Variants in FBXO10 observed in about 807,000 individuals in gnomAD.
FBXO10 encodes F-box only protein 10.
A neutral mutation model predicts 80.7 loss-of-function variants in FBXO10; 39 were observed. The ratio of observed to expected loss-of-function variants is 0.48; its 90% CI spans 0.37 to 0.63. FBXO10 has a LOEUF of 0.63. Among genes scored for constraint, FBXO10 ranks in the 30% least tolerant of loss-of-function variants. The pLI is 0.00. For synonymous variants in FBXO10, 449 were observed against 489.6 expected, an observed-to-expected ratio of 0.92 and a Z score of 1.09; for missense variants, 1,025 against 1,269.0, an observed-to-expected ratio of 0.81 and a Z score of 2.92.
rs371668468 is a variant in FBXO10, at chr9:37,534,002, T to C, written c.1420-1944A>G. On this transcript the variant is annotated intron_variant, in intron 3 of 10. Coordinates refer to ENST00000432825, the MANE Select transcript of FBXO10 (RefSeq NM_012166.3). Reference sequence around the variant, plus strand: ...GATGACTGAAGTGTGGGAGGATGTGTGCAGGTTAGGTGCAAATACTATAAC... The same window carrying C: ...GATGACTGAAGTGTGGGAGGATGTGCGCAGGTTAGGTGCAAATACTATAAC... Among the ~76,000 whole-genome samples, 32 of 152,254 alleles carry C rather than the reference T, an allele frequency of 2.1e-4. 1 individual carries two copies. Among genetic ancestry groups the C allele is most frequent in the East Asian group, 1.7e-3 (9 of 5,186 alleles).
intron 8 of FBXO10, 92 bp from the exon 9 acceptor site, chr9:37,518,530 G>T: frequency 9.1e-7 from 1 of 1,102,410 alleles, no homozygotes; most frequent in Non-Finnish European, 1.3e-6. Context: ...TGTGCACTCC[G>T]GGAGAACGGA....
chr9:37,553,067 G>C (rs1298191037), intron 1 of FBXO10, among the ~76,000 whole-genome samples: 1 of 151,300 alleles, frequency 6.6e-6, no homozygotes, highest in Non-Finnish European at 1.5e-5. Flanking sequence ...TTTTGAGATG[G>C]AGTCTCGCTC....
intron 1 of FBXO10, among the ~76,000 whole-genome samples, chr9:37,552,908 C>G (rs544152845): frequency 6.6e-6 from 1 of 151,908 alleles, no homozygotes; most frequent in African/African-American, 2.4e-5. Flanking sequence ...AAGGAAGAGC[C>G]CTTATGACCT....
At position 37,537,403 on chromosome 9, in the gene FBXO10, A is replaced by G. The variant is rs1821796237; in HGVS notation, c.1126T>C (p.Tyr376His). Residue 376 changes from tyrosine to histidine, a missense_variant, in exon 3 of 11, where the codon TAC becomes CAC. Tyr to His is a moderately conservative substitution (Grantham distance 83, BLOSUM62 2). This residue lies in a region of FBXO10 where 450 missense variants were observed against 499.4 expected (regional missense o/e 0.90). Coordinates refer to ENST00000432825, the MANE Select transcript of FBXO10 (RefSeq NM_012166.3). Reference protein sequence around the residue: ...DEDQLMYRLSYQVQGPRPVLG... With the variant: ...DEDQLMYRLSHQVQGPRPVLG... ...ACAGGGCGTGGGCCCTGCACTTGGT[A>G]GGATAGTCTGTACATCAGCTGGTCC... The G allele has an allele frequency of 6.9e-6, 11 of 1,598,372 alleles. No individual in the cohort carries two copies. Among genetic ancestry groups the G allele is most frequent in the Non-Finnish European group, 9.4e-6 (11 of 1,172,074 alleles).
At chr9:37,531,861 T>C in intron 4 of FBXO10, 48 bp downstream of exon 4, 1 of 1,601,768 alleles carries the variant, frequency 6.2e-7, no homozygotes, top group African/African-American at 1.3e-5. Flanking sequence ...TCACAAATGG[T>C]TTCTGAAAAC....
intron 10 of FBXO10, among the ~76,000 whole-genome samples, chr9:37,512,970 T>C (rs915972133): frequency 5.9e-5 from 9 of 152,216 alleles, no homozygotes; most frequent in Admixed American, 5.2e-4. Flanking sequence ...GGTCCCTCTG[T>C]AGGCCTCAAT....
At chr9:37,525,052 C>T in intron 6 of FBXO10, 50 bp downstream of exon 6, 7 of 1,509,664 alleles carry the variant, frequency 4.6e-6, no homozygotes, top group Middle Eastern at 3.5e-4. Context: ...GGGGGTGACG[C>T]CAGGGGACCT....
chr9:37,523,810 G>A (rs985904720), intron 6 of FBXO10, among the ~76,000 whole-genome samples: 22 of 152,274 alleles, frequency 1.4e-4, no homozygotes, highest in Non-Finnish European at 5.9e-5. Context: ...CCAGCTACTC[G>A]GGAGGCTGAG....
At chr9:37,543,268 T>C (rs1421071237) in intron 1 of FBXO10, among the ~76,000 whole-genome samples, 1 of 152,172 alleles carries the variant, frequency 6.6e-6, no homozygotes, top group African/African-American at 2.4e-5. Context: ...AGAGGTAAGG[T>C]TCCCAGCAGA....
intron 4 of FBXO10, among the ~76,000 whole-genome samples, chr9:37,530,559 T>G (rs1025788360): frequency 6.6e-6 from 1 of 152,242 alleles, no homozygotes; most frequent in Non-Finnish European, 1.5e-5. Flanking sequence ...ACCAGCTGCA[T>G]GGTAGAAACA....
intron 1 of FBXO10, among the ~76,000 whole-genome samples, chr9:37,553,011 GTTGTGT>G (rs1349856878): frequency 4.7e-4 from 55 of 116,600 alleles, no homozygotes; most frequent in African/African-American, 2.0e-3. Context: ...ACCAATTCAG[GTTGTGT>G]GTGTGTGTGT....
intron 1 of FBXO10, among the ~76,000 whole-genome samples, chr9:37,563,361 T>C (rs1588859369): frequency 6.6e-6 from 1 of 152,150 alleles, no homozygotes; most frequent in East Asian, 1.9e-4. Flanking sequence ...GCTGTAAAGA[T>C]ACCTGAAATG....
chr9:37,541,742 C>T lies in FBXO10; in HGVS notation c.27G>A (p.Glu9=), dbSNP rs776140820. 7.5e-6 allele frequency: 12 copies of T among 1,603,386 alleles called. No homozygotes were observed. The South Asian group carries it at 1.2e-4, about 16-fold the overall frequency. ...AGTAGGCTAAGATCATGCGCCACAG[C>T]TCCAAGGGGAGGCCACCAGCCTCCA... is the stretch of plus-strand genomic sequence containing the variant. MEAGGLPL[E]LWRMILAYLH... Residue 9 remains glutamate (E), a synonymous_variant, in exon 2 of 11, where the codon GAG becomes GAA. Coordinates refer to ENST00000432825, the MANE Select transcript of FBXO10 (RefSeq NM_012166.3).
At chr9:37,566,425 T>A (rs949468609) in intron 1 of FBXO10, among the ~76,000 whole-genome samples, 6 of 143,498 alleles carry the variant, frequency 4.2e-5, no homozygotes, top group African/African-American at 1.6e-4. Flanking sequence ...ACCACTGCAC[T>A]GCAGCTTGGA....
At chr9:37,523,276 A>G (rs1821387718) in intron 6 of FBXO10, among the ~76,000 whole-genome samples, 2 of 152,148 alleles carry the variant, frequency 1.3e-5, no homozygotes, top group African/African-American at 2.4e-5. Flanking sequence ...TTGGCCAGGC[A>G]TGGTGGCTCA....
intron 1 of FBXO10, among the ~76,000 whole-genome samples, chr9:37,565,224 T>G (rs1386818971): frequency 1.3e-5 from 2 of 152,222 alleles, no homozygotes; most frequent in Non-Finnish European, 2.9e-5. Context: ...CATGTGGAAC[T>G]GTGAGTCAAT....
chr9:37,529,062 C>T, intron 5 of FBXO10, 62 bp downstream of exon 5: 3 of 1,602,482 alleles, frequency 1.9e-6, no homozygotes, highest in Non-Finnish European at 2.6e-6. Flanking sequence ...AGAGTGTTTT[C>T]AAATGGAGGA....
intron 1 of FBXO10, among the ~76,000 whole-genome samples, chr9:37,555,792 GC>G: frequency 6.6e-6 from 1 of 152,074 alleles, no homozygotes; most frequent in East Asian, 1.9e-4. Flanking sequence ...TCTGTGGTTT[GC>G]CTTTTCATTG....
At chr9:37,573,890 G>A (rs1394999354) in intron 1 of FBXO10, among the ~76,000 whole-genome samples, 3 of 111,786 alleles carry the variant, frequency 2.7e-5, no homozygotes, top group Non-Finnish European at 5.7e-5. Flanking sequence ...AACTAAAAGA[G>A]GGTAATGAGA....
Sources: allele counts gnomAD v4.1 joint callset (sites outside exome capture counted in the v4.1 genomes callset), GRCh38; gene constraint gnomAD v4.1.1; regional missense constraint gnomAD v4.1.1; transcripts MANE v1.5; gene names NCBI Gene and HGNC (gene_info 2026-07-23, HGNC 2026-07-21).